Variants in PPP3CA observed in about 807,000 individuals in gnomAD.
The protein encoded by PPP3CA is CAM-PRP catalytic subunit.
PPP3CA carries 14 observed loss-of-function variants against 66.5 expected under a neutral mutation model. The ratio of observed to expected loss-of-function variants is 0.21; its 90% CI spans 0.14 to 0.33. PPP3CA has a LOEUF of 0.33. PPP3CA is among the 10% of genes least tolerant of loss of function. PPP3CA has a pLI of 1.00. For missense variants in PPP3CA, 317 were observed against 639.5 expected (o/e 0.50, Z 5.44); for synonymous variants, 232 against 226.2 (o/e 1.03, Z -0.23).
rs569322590 is a variant in PPP3CA, at chr4:101,259,244, G to C, written c.59-63128C>G. Among the ~76,000 whole-genome samples, 7 of 152,100 alleles carry C rather than the reference G, an allele frequency of 4.6e-5. No individual in the cohort carries two copies. In the South Asian group the frequency reaches 1.5e-3, roughly 32 times the overall value. ...AATTGTGATAACTAGTCAGAACATG[G>C]GTCATGAACCCAGCGGATAGGAATC... On this transcript the variant is annotated intron_variant, in intron 1 of 13. Transcript: ENST00000394854.
At chr4:101,252,568 T>C (rs185203034) in intron 1 of PPP3CA, among the ~76,000 whole-genome samples, 1 of 152,172 alleles carries the variant, frequency 6.6e-6, no homozygotes, top group African/African-American at 2.4e-5. Flanking sequence ...TCCATGGTAA[T>C]GGTTTTTAAC....
chr4:101,106,449 GAA>G (rs72602418), intron 3 of PPP3CA, among the ~76,000 whole-genome samples: 2 of 5,550 alleles, frequency 3.6e-4, no homozygotes, highest in African/African-American at 8.2e-4. Flanking sequence ...AAGAAAGAAA[GAA>G]AGAGAAAAGA....
At chr4:101,267,618 A>G (rs1727209965) in intron 1 of PPP3CA, among the ~76,000 whole-genome samples, 1 of 152,168 alleles carries the variant, frequency 6.6e-6, no homozygotes, top group African/African-American at 2.4e-5. Context: ...TGGCCTCTAA[A>G]GGAGATGACA....
At chr4:101,346,684 T>G in intron 1 of PPP3CA, 55 bp downstream of exon 1, 1 of 1,507,474 alleles carries the variant, frequency 6.6e-7, no homozygotes, top group Non-Finnish European at 9.1e-7. Context: ...CGAGGCAAGC[T>G]GCCCTGGCGC....
chr4:101,239,168 TTTTAC>T (rs1726221805), intron 1 of PPP3CA, among the ~76,000 whole-genome samples: 1 of 152,216 alleles, frequency 6.6e-6, no homozygotes, highest in Middle Eastern at 3.4e-3. Context: ...CTGTCTTCCC[TTTTAC>T]TTTATCAAAT....
intron 2 of PPP3CA, among the ~76,000 whole-genome samples, chr4:101,194,703 A>C (rs2110189316): frequency 6.6e-6 from 1 of 152,096 alleles, no homozygotes; most frequent in Non-Finnish European, 1.5e-5. Context: ...AGTAGCTGGG[A>C]TTATAGGTGC....
intron 11 of PPP3CA, among the ~76,000 whole-genome samples, chr4:101,038,275 C>T (rs1029610726): frequency 4.6e-5 from 7 of 152,206 alleles, no homozygotes; most frequent in Non-Finnish European, 7.3e-5. Flanking sequence ...ATTTTAACCT[C>T]TTTATGAACA....
intron 1 of PPP3CA, among the ~76,000 whole-genome samples, chr4:101,299,933 C>T (rs752742452): frequency 4.6e-5 from 7 of 152,072 alleles, no homozygotes; most frequent in Middle Eastern, 3.4e-3. Flanking sequence ...GAATGTGTAC[C>T]CAGCTTCATG....
chr4:101,325,865 A>G (rs1000509953), intron 1 of PPP3CA, among the ~76,000 whole-genome samples: 3 of 152,152 alleles, frequency 2.0e-5, no homozygotes, highest in Non-Finnish European at 4.4e-5. Flanking sequence ...ATACTTTGGC[A>G]AAGAAAAAAG....
chr4:101,208,599 T>G (rs931970865), intron 1 of PPP3CA, among the ~76,000 whole-genome samples: 1 of 152,206 alleles, frequency 6.6e-6, no homozygotes, highest in Middle Eastern at 3.2e-3. Context: ...TATCTTTTAT[T>G]ACAGATTACT....
chr4:101,172,319 T>G (rs1214916951), intron 2 of PPP3CA, among the ~76,000 whole-genome samples: 2 of 152,196 alleles, frequency 1.3e-5, no homozygotes, highest in Non-Finnish European at 2.9e-5. Flanking sequence ...TTAACATTAC[T>G]GGCTTCAGCT....
intron 1 of PPP3CA, among the ~76,000 whole-genome samples, chr4:101,343,018 G>T (rs1459810375): frequency 6.6e-6 from 1 of 152,044 alleles, no homozygotes; most frequent in Admixed American, 6.6e-5. Flanking sequence ...CAATACACCT[G>T]AAAAACAGCT....
intron 3 of PPP3CA, among the ~76,000 whole-genome samples, chr4:101,105,596 AAAAGGTAAATAAAGAACAATAAGATT>A (rs1421929351): frequency 6.6e-6 from 1 of 152,178 alleles, no homozygotes; most frequent in Non-Finnish European, 1.5e-5. Context: ...AACAAACAAA[AAAAGGTAAATAAAGAACAATAAGATT>A]AAAGAATATT....
intron 2 of PPP3CA, among the ~76,000 whole-genome samples, chr4:101,170,760 C>A (rs981044023): frequency 6.6e-6 from 1 of 152,044 alleles, no homozygotes; most frequent in African/African-American, 2.4e-5. Flanking sequence ...TCTTGCCCAG[C>A]CTATAATTAA....
rs374140579 is a variant in PPP3CA at position 101,247,374 on chromosome 4, C to T, written c.59-51258G>A. Among the ~76,000 whole-genome samples the T allele has an allele frequency of 7.0e-4, 107 of 152,142 alleles. 1 individual carries two copies. The highest frequency in any genetic ancestry group is 2.4e-3 in the African/African-American group (99 of 41,526). Reference sequence around the variant, plus strand: ...ACGGCATTTCACTGTGTTGGCCAGGCTGGTCTCGAACTCCTGGCCTCAGGT... The same window carrying T: ...ACGGCATTTCACTGTGTTGGCCAGGTTGGTCTCGAACTCCTGGCCTCAGGT... On this transcript the variant is annotated intron_variant, in intron 1 of 13. Coordinates refer to ENST00000394854, the MANE Select transcript of PPP3CA (RefSeq NM_000944.5).
At chr4:101,133,741 A>G (rs1208087955) in intron 2 of PPP3CA, among the ~76,000 whole-genome samples, 1 of 152,184 alleles carries the variant, frequency 6.6e-6, no homozygotes. Context: ...TAGAAAAAAA[A>G]CTACTTTAAA....
intron 5 of PPP3CA, among the ~76,000 whole-genome samples, chr4:101,097,508 T>C (rs1329689944): frequency 6.6e-6 from 1 of 152,148 alleles, no homozygotes; most frequent in Non-Finnish European, 1.5e-5. Flanking sequence ...GAAATTATCA[T>C]ACTTTAAAAT....
intron 1 of PPP3CA, among the ~76,000 whole-genome samples, chr4:101,228,375 T>C (rs1725849105): frequency 6.6e-6 from 1 of 151,578 alleles, no homozygotes. Flanking sequence ...TATGAACACA[T>C]AGCATCCATA....
intron 1 of PPP3CA, among the ~76,000 whole-genome samples, chr4:101,287,586 C>T (rs550275692): frequency 1.2e-4 from 19 of 152,280 alleles, no homozygotes; most frequent in Admixed American, 1.0e-3. Flanking sequence ...CTGTCTTCTG[C>T]TCCCATTCAA....
Sources: gnomAD v4.1 joint callset for allele counts (sites outside exome capture counted in the v4.1 genomes callset) on GRCh38, gnomAD v4.1.1 for gene constraint, MANE v1.5 for transcripts, NCBI Gene and HGNC (gene_info 2026-07-23, HGNC 2026-07-21) for gene names.